The following TNS1 variants were observed in gnomAD, a reference collection of about 807,000 sequenced individuals.
TNS1 encodes tensin 1, also known as tensin-1.
TNS1 carries 62 observed loss-of-function variants against 168.6 expected under a neutral mutation model. The observed-to-expected ratio is 0.37, with a 90% CI of 0.30 to 0.45. The LOEUF is 0.45. TNS1 is among the 20% of genes least tolerant of loss of function. The pLI, the probability that TNS1 is intolerant of heterozygous loss-of-function variation, is 1.00. For missense variants in TNS1, 2,240 were observed against 2,339.4 expected (o/e 0.96, Z 0.88); for synonymous variants, 934 against 933.2 (o/e 1.00, Z -0.02).
In TNS1 at chr2:217,899,403, G is replaced by C. The variant is rs1030247078; in HGVS notation, c.371+1060C>G. Among the ~76,000 whole-genome samples, 7 of 152,292 alleles carry C rather than the reference G, an allele frequency of 4.6e-5. No individual in the cohort carries two copies. In the South Asian group the frequency reaches 8.3e-4, roughly 18 times the overall value. ...CCCAAGGACAGTTCTTGTAGGTGGT[G>C]ACCAGTCTGGGACAAGAAGCCACAC... On this transcript the variant is annotated intron_variant, in intron 7 of 32. Coordinates refer to ENST00000682258, the MANE Select transcript of TNS1 (RefSeq NM_001387777.1).
Position 217,993,663 on chromosome 2 carries a change from G to A in TNS1, c.34-2607C>T, listed in dbSNP as rs1184019853. Among the ~76,000 whole-genome samples, 5 of 152,316 alleles carry A rather than the reference G, an allele frequency of 3.3e-5. No homozygotes were observed. In the East Asian group the frequency reaches 5.8e-4, roughly 18 times the overall value. On this transcript the variant is annotated intron_variant, in intron 1 of 32. Transcript: ENST00000682258. Reference sequence around the variant, plus strand: ...AAAAGACTTGGCAACCGAAAGTAACGGCGGCTTCTGAACCAGATTCTGTTG... The same window carrying A: ...AAAAGACTTGGCAACCGAAAGTAACAGCGGCTTCTGAACCAGATTCTGTTG...
chr2:217,907,321 G>A (rs953763952), intron 4 of TNS1, 70 bp from the exon 5 acceptor site: 5 of 699,278 alleles, frequency 7.2e-6, no homozygotes, highest in Middle Eastern at 2.3e-4. Flanking sequence ...TCTCCCCATG[G>A]CTAGTGGCCC....
At chr2:217,887,881 T>C (rs1050708327) in intron 12 of TNS1, among the ~76,000 whole-genome samples, 22 of 152,352 alleles carry the variant, frequency 1.4e-4, no homozygotes, top group African/African-American at 4.8e-4. Flanking sequence ...CTTTTCTGAT[T>C]GGCCATGGAA....
chr2:217,954,678 C>T (rs1056602018), intron 3 of TNS1, among the ~76,000 whole-genome samples: 2 of 152,088 alleles, frequency 1.3e-5, no homozygotes, highest in Non-Finnish European at 2.9e-5. Flanking sequence ...AGGAGGGTGG[C>T]GCAGACCCCA....
At chr2:217,815,199 A>G (rs940711917) in intron 24 of TNS1, 21 of 575,916 alleles carry the variant, frequency 3.6e-5, no homozygotes, top group Non-Finnish European at 6.3e-5. Context: ...GTGTCCTTAC[A>G]AGGAGAGGAG....
chr2:217,944,078 G>A (rs1240568722), intron 3 of TNS1: 1 of 152,312 alleles, frequency 6.6e-6, no homozygotes, highest in Non-Finnish European at 1.5e-5. Context: ...ACTGAGCAGA[G>A]GGCTCTGCTA....
rs557396682 is a variant in TNS1 at position 217,830,282 on chromosome 2, C to T, written c.3373+1173G>A. The T allele has an allele frequency of 5.7e-6, 9 of 1,569,824 alleles. No individual in the cohort carries two copies. In the African/African-American group the frequency reaches 1.1e-4, roughly 19 times the overall value. On this transcript the variant is annotated intron_variant, in intron 22 of 32. Transcript: ENST00000682258. Reference sequence around the variant, plus strand: ...TACTGATCCCCCGTGGCTCAGTGTCCCTGGCCATGCCGACACTCTGAGTGG... The same window carrying T: ...TACTGATCCCCCGTGGCTCAGTGTCTCTGGCCATGCCGACACTCTGAGTGG...
intron 3 of TNS1, among the ~76,000 whole-genome samples, chr2:217,960,112 C>T (rs895404816): frequency 6.6e-6 from 1 of 152,094 alleles, no homozygotes; most frequent in African/African-American, 2.4e-5. Flanking sequence ...GGAGACTCCA[C>T]CAGTCCCTCC....
At chr2:217,997,409 T>G (rs1031645846) in intron 1 of TNS1, among the ~76,000 whole-genome samples, 1 of 152,216 alleles carries the variant, frequency 6.6e-6, no homozygotes, top group Non-Finnish European at 1.5e-5. Flanking sequence ...TCTCTCATCC[T>G]TTAAACTAGA....
At chr2:218,009,217 T>C (rs1958684705) in intron 1 of TNS1, among the ~76,000 whole-genome samples, 1 of 152,162 alleles carries the variant, frequency 6.6e-6, no homozygotes, top group Admixed American at 6.5e-5. Context: ...CTGGGATCCT[T>C]CCCCTCATTA....
At chr2:218,026,566 A>G (rs1332659166) in intron 1 of TNS1, among the ~76,000 whole-genome samples, 2 of 152,182 alleles carry the variant, frequency 1.3e-5, no homozygotes, top group African/African-American at 2.4e-5. Context: ...TATTGGGCCC[A>G]AGGAAGCAGT....
At chr2:217,887,821 A>G (rs1951354508) in intron 12 of TNS1, among the ~76,000 whole-genome samples, 1 of 152,246 alleles carries the variant, frequency 6.6e-6, no homozygotes, top group Non-Finnish European at 1.5e-5. Context: ...GAGATCGGTC[A>G]TCTGCCCAAT....
In TNS1 at chr2:217,804,169, T is replaced by A; in HGVS notation, c.*290A>T. ...CCATCTTCTTAGGGGAGGGAGGGGG[T>A]GTTAGGTGGACCTGGTTAGTTTTGG... On this transcript the variant is annotated 3_prime_UTR_variant, in exon 33 of 33. Transcript: ENST00000682258. 1 of 327,616 alleles carries A rather than the reference T, an allele frequency of 3.1e-6. No homozygotes were observed. The highest frequency in any genetic ancestry group is 5.5e-5 in the East Asian group (1 of 18,060). 20.3% of individuals were successfully genotyped at this position (327,616 alleles called of 1,614,324 possible).
intron 3 of TNS1, among the ~76,000 whole-genome samples, chr2:217,929,848 T>C (rs58487132): frequency 0.026 from 3,889 of 152,258 alleles, 177 homozygotes; most frequent in African/African-American, 0.086. Flanking sequence ...CAGGTCCTAT[T>C]AATCATAGAG....
At chr2:217,917,237 A>G (rs1955116556) in intron 4 of TNS1, among the ~76,000 whole-genome samples, 1 of 152,138 alleles carries the variant, frequency 6.6e-6, no homozygotes, top group African/African-American at 2.4e-5. Context: ...GAGTCATAGC[A>G]GTCCTGTTTA....
At chr2:217,929,684 C>T (rs926138076) in intron 3 of TNS1, among the ~76,000 whole-genome samples, 8 of 147,654 alleles carry the variant, frequency 5.4e-5, no homozygotes, top group Non-Finnish European at 1.2e-4. Flanking sequence ...CACCACCCCT[C>T]CCTCAGCCCT....
intron 3 of TNS1, among the ~76,000 whole-genome samples, chr2:217,950,938 C>A (rs1186832484): frequency 6.6e-6 from 1 of 152,012 alleles, no homozygotes; most frequent in African/African-American, 2.4e-5. Flanking sequence ...AAAATCTCCC[C>A]GTTGCTGCAC....
intron 21 of TNS1, among the ~76,000 whole-genome samples, chr2:217,833,269 C>T (rs954765158): frequency 2.0e-5 from 3 of 152,226 alleles, no homozygotes; most frequent in Non-Finnish European, 4.4e-5. Context: ...CCCTTGTTCA[C>T]CTCCAGCTCC....
intron 3 of TNS1, among the ~76,000 whole-genome samples, chr2:217,946,967 T>A (rs60856550): frequency 0.28 from 34,148 of 122,530 alleles, 5,794 homozygotes; most frequent in African/African-American, 0.58. Flanking sequence ...TCTCTCTCTC[T>A]CTCACACACA....
Sources: allele counts gnomAD v4.1 joint callset (sites outside exome capture counted in the v4.1 genomes callset), GRCh38; gene constraint gnomAD v4.1.1; transcripts MANE v1.5; gene names NCBI Gene and HGNC (gene_info 2026-07-23, HGNC 2026-07-21).